Variants in SUCO observed in about 807,000 individuals in gnomAD.
SUCO encodes the protein SUN domain-containing ossification factor.
A neutral mutation model predicts 148.1 loss-of-function variants in SUCO; 57 were observed. The ratio of observed to expected loss-of-function variants is 0.38; its 90% CI spans 0.31 to 0.48. SUCO has a LOEUF of 0.48. Among genes scored for constraint, SUCO ranks in the 20% least tolerant of loss-of-function variants. The pLI is 0.96. For synonymous variants in SUCO, 470 were observed against 502.7 expected, an observed-to-expected ratio of 0.93 and a Z score of 0.87; for missense variants, 1,331 against 1,468.2, an observed-to-expected ratio of 0.91 and a Z score of 1.53.
chr1:172,586,504 G>C (rs926642089), intron 17 of SUCO, among the ~76,000 whole-genome samples: 6 of 152,028 alleles, frequency 3.9e-5, no homozygotes, highest in Non-Finnish European at 8.8e-5. Context: ...TACCTTTTTT[G>C]TCTTTTCTGC....
chr1:172,575,495 A>G (rs1324325039), intron 10 of SUCO, 23 bp from the exon 11 acceptor site: 1 of 1,503,226 alleles, frequency 6.7e-7, no homozygotes, highest in Non-Finnish European at 9.2e-7. Context: ...TTTAAAAAAG[A>G]ACATATTGCT....
intron 1 of SUCO, among the ~76,000 whole-genome samples, chr1:172,534,349 T>C (rs1440087292): frequency 6.6e-6 from 1 of 152,196 alleles, no homozygotes; most frequent in African/African-American, 2.4e-5. Flanking sequence ...TGTGTGACAA[T>C]TGATGACTGA....
intron 22 of SUCO, among the ~76,000 whole-genome samples, chr1:172,604,383 GTTAA>G (rs750247119): frequency 9.2e-5 from 14 of 151,950 alleles, no homozygotes; most frequent in Non-Finnish European, 1.9e-4. Context: ...TCTACCAATA[GTTAA>G]TTCATTTATT....
At chr1:172,539,727 A>G (rs1456083253) in intron 1 of SUCO, among the ~76,000 whole-genome samples, 2 of 152,210 alleles carry the variant, frequency 1.3e-5, no homozygotes, top group African/African-American at 2.4e-5. Context: ...CTACTGTATG[A>G]GTTATTCATT....
At chr1:172,599,068 C>T (rs1657317771) in intron 19 of SUCO, among the ~76,000 whole-genome samples, 1 of 152,192 alleles carries the variant, frequency 6.6e-6, no homozygotes, top group Non-Finnish European at 1.5e-5. Context: ...TTTTAGATTT[C>T]CTTGACTTCT....
At chr1:172,582,562 G>T (rs1655947629) in intron 15 of SUCO, among the ~76,000 whole-genome samples, 2 of 152,002 alleles carry the variant, frequency 1.3e-5, no homozygotes, top group Admixed American at 6.5e-5. Context: ...AGAAATTAGG[G>T]ATATTTATCT....
intron 23 of SUCO, among the ~76,000 whole-genome samples, chr1:172,609,031 CAG>C (rs1260377584): frequency 6.6e-6 from 1 of 151,978 alleles, no homozygotes; most frequent in Non-Finnish European, 1.5e-5. Flanking sequence ...AGTGATAAAA[CAG>C]AACAGCATGC....
intron 3 of SUCO, among the ~76,000 whole-genome samples, chr1:172,554,522 A>G (rs1429450630): frequency 6.6e-6 from 1 of 152,182 alleles, no homozygotes; most frequent in Non-Finnish European, 1.5e-5. Flanking sequence ...GGATCACCTG[A>G]GGTCAGGAGT....
chr1:172,586,367 A>C (rs1656246638), intron 17 of SUCO, among the ~76,000 whole-genome samples: 1 of 152,160 alleles, frequency 6.6e-6, no homozygotes, highest in Middle Eastern at 3.2e-3. Context: ...TGGTTCTTGA[A>C]TAATGTATTT....
At chr1:172,551,243 T>C (rs562546319) in intron 1 of SUCO, among the ~76,000 whole-genome samples, 1 of 152,250 alleles carries the variant, frequency 6.6e-6, no homozygotes, top group East Asian at 1.9e-4. Flanking sequence ...TGTGTGATAA[T>C]TATCAGATAC....
chr1:172,545,925 C>T (rs1428952186), intron 1 of SUCO, among the ~76,000 whole-genome samples: 1 of 151,664 alleles, frequency 6.6e-6, no homozygotes, highest in Non-Finnish European at 1.5e-5. Context: ...TCCTTCCTTT[C>T]CTTTCCTTTC....
chr1:172,604,109 T>G (rs1254779197), intron 22 of SUCO, among the ~76,000 whole-genome samples: 2 of 151,940 alleles, frequency 1.3e-5, no homozygotes, highest in Non-Finnish European at 2.9e-5. Flanking sequence ...TTACTTCATA[T>G]TCTAAACATT....
intron 9 of SUCO, among the ~76,000 whole-genome samples, chr1:172,570,978 T>C (rs1654921753): frequency 6.6e-6 from 1 of 152,180 alleles, no homozygotes; most frequent in Admixed American, 6.5e-5. Context: ...AAGGGTGTTA[T>C]TGAAAGAGTG....
At position 172,565,907 on chromosome 1, in the gene SUCO, C is replaced by G. The variant is rs531474200; in HGVS notation, c.733-3112C>G. Among the ~76,000 whole-genome samples, 125 of 152,294 alleles carry G rather than the reference C, an allele frequency of 8.2e-4. 1 individual carries two copies. Among genetic ancestry groups the G allele is most frequent in the African/African-American group, 2.8e-3 (116 of 41,550 alleles). ...CAAAGGCTTTTGTTCCCTAGCTTACCTGATAATTATGGGGGGTGGTAGAGG... is the reference window on the plus strand; with the variant it reads ...CAAAGGCTTTTGTTCCCTAGCTTACGTGATAATTATGGGGGGTGGTAGAGG... On this transcript the variant is annotated intron_variant, in intron 6 of 23. Transcript: ENST00000263688.
intron 19 of SUCO, among the ~76,000 whole-genome samples, chr1:172,595,079 T>C (rs553517322): frequency 2.2e-4 from 34 of 152,350 alleles, no homozygotes; most frequent in Non-Finnish European, 3.4e-4. Flanking sequence ...GTTTAAAGTC[T>C]GTTTTATCAG....
intron 22 of SUCO, among the ~76,000 whole-genome samples, chr1:172,607,757 A>G: frequency 6.6e-6 from 1 of 152,000 alleles, no homozygotes; most frequent in East Asian, 1.9e-4. Context: ...AGACATCATT[A>G]TTAAAGAAAG....
In SUCO at chr1:172,533,356, G is replaced by T. The variant is rs1651748462; in HGVS notation, c.-80G>T. The T allele has an allele frequency of 1.3e-6, 2 of 1,551,732 alleles. No individual in the cohort carries two copies. Among genetic ancestry groups the T allele is most frequent in the Non-Finnish European group, 1.7e-6 (2 of 1,147,036 alleles). The stretch of plus-strand genomic sequence containing the variant: ...GGTCACATTCTCGCGCTCCTGCTCC[G>T]GCTCCTCCATCTTGGCCTCGGCAGT... On this transcript the variant is annotated 5_prime_UTR_variant, in exon 1 of 24. Coordinates refer to ENST00000263688, the MANE Select transcript of SUCO (RefSeq NM_014283.5).
chr1:172,560,964 T>C (rs1654106098), intron 6 of SUCO, among the ~76,000 whole-genome samples: 1 of 152,212 alleles, frequency 6.6e-6, no homozygotes, highest in Non-Finnish European at 1.5e-5. Context: ...CCTATTCTAA[T>C]GGGGGTAGTT....
At position 172,609,916 on chromosome 1, in the gene SUCO, T is replaced by G. The variant is rs777250018; in HGVS notation, c.3422T>G (p.Phe1141Cys). The G allele has an allele frequency of 2.5e-6, 4 of 1,613,904 alleles. No individual in the cohort carries two copies. The highest frequency in any genetic ancestry group is 3.3e-5 in the Admixed American group (2 of 59,994). Residue 1141 changes from phenylalanine (F) to cysteine (C), a missense_variant, in exon 24 of 24, where the codon TTT becomes TGT. Around this residue, in one of 3 missense-constraint regions of SUCO, gnomAD observed 334 missense variants for 352.3 expected, o/e 0.95. Transcript: ENST00000263688. Reference protein sequence around the residue: ...ANGDIKGRKPFTNQRDFSNMG... With the variant: ...ANGDIKGRKPCTNQRDFSNMG... Reference sequence around the variant, plus strand: ...GGCGACATAAAAGGAAGAAAGCCCTTTACGAACCAGAGAGATTTTTCTAAT... The same window carrying G: ...GGCGACATAAAAGGAAGAAAGCCCTGTACGAACCAGAGAGATTTTTCTAAT...
Sources: gnomAD v4.1 joint callset for allele counts (sites outside exome capture counted in the v4.1 genomes callset) on GRCh38, gnomAD v4.1.1 for gene constraint, gnomAD v4.1.1 regional missense constraint, MANE v1.5 for transcripts, NCBI Gene and HGNC (gene_info 2026-07-23, HGNC 2026-07-21) for gene names.